The following C6orf118 variants were observed in gnomAD, a reference collection of about 807,000 sequenced individuals.
C6orf118 encodes chromosome 6 open reading frame 118.
Under a neutral mutation model 50.2 loss-of-function variants are expected in C6orf118, and 50 were observed. The observed-to-expected ratio is 1.00, with a 90% CI of 0.79 to 1.26. C6orf118 has a LOEUF of 1.26. Ranked by LOEUF, C6orf118 falls within the 50% of genes most tolerant of loss-of-function variation. The pLI, the probability that C6orf118 is intolerant of heterozygous loss-of-function variation, is 0.00. For missense variants in C6orf118, 641 were observed against 578.7 expected, an observed-to-expected ratio of 1.11 and a Z score of -1.10; for synonymous variants, 239 against 230.9, an observed-to-expected ratio of 1.03 and a Z score of -0.32.
chr6:165,282,234 A>C (rs1779752337), intron 7 of C6orf118, among the ~76,000 whole-genome samples: 1 of 152,186 alleles, frequency 6.6e-6, no homozygotes, highest in Admixed American at 6.5e-5. Context: ...ACTTTCTCCC[A>C]AATGCATTTA....
chr6:165,290,146 A>C (rs200533491), intron 6 of C6orf118, 79 bp from the exon 7 acceptor site: 1 of 661,966 alleles, frequency 1.5e-6, no homozygotes, highest in African/African-American at 2.4e-5. Context: ...ATTATTAACA[A>C]TATTATGTAT....
chr6:165,286,077 T>TA (rs1194781385), intron 7 of C6orf118, among the ~76,000 whole-genome samples: 6 of 150,978 alleles, frequency 4.0e-5, no homozygotes, highest in African/African-American at 1.5e-4. Flanking sequence ...ACAGACAAAA[T>TA]AAAAAATGAT....
chr6:165,302,644 A>T (rs1223937808), intron 1 of C6orf118, among the ~76,000 whole-genome samples: 1 of 152,182 alleles, frequency 6.6e-6, no homozygotes, highest in Non-Finnish European at 1.5e-5. Context: ...TATAATTCTT[A>T]ATGATGATGC....
chr6:165,288,311 GA>G (rs1378695242), intron 7 of C6orf118, among the ~76,000 whole-genome samples: 1 of 152,154 alleles, frequency 6.6e-6, no homozygotes, highest in Non-Finnish European at 1.5e-5. Flanking sequence ...GGAGAAATAG[GA>G]ATGCTTTTAC....
intron 7 of C6orf118, among the ~76,000 whole-genome samples, chr6:165,289,318 G>C (rs1780026546): frequency 6.6e-6 from 1 of 152,064 alleles, no homozygotes; most frequent in Admixed American, 6.6e-5. Context: ...AATAAAAGTA[G>C]TGCTGGAAAA....
Position 165,279,957 on chromosome 6 carries a change from T to G in C6orf118, c.*100A>C. 2.5e-6 allele frequency: 3 copies of G among 1,215,324 alleles called. No individual in the cohort carries two copies. Among genetic ancestry groups the G allele is most frequent in the Non-Finnish European group, 3.4e-6 (3 of 869,828 alleles). 75.3% of individuals were successfully genotyped at this position (1,215,324 alleles called of 1,614,324 possible). Reference sequence around the variant, plus strand: ...TTACTAGAGATTAAAGCTGATGAAATGAAATGTATCTTTATGAATGTATAT... The same window carrying G: ...TTACTAGAGATTAAAGCTGATGAAAGGAAATGTATCTTTATGAATGTATAT... On this transcript the variant is annotated 3_prime_UTR_variant, in exon 9 of 9. Transcript: ENST00000230301.
chr6:165,306,730 G>C (rs963378345), intron 1 of C6orf118, among the ~76,000 whole-genome samples: 2 of 152,014 alleles, frequency 1.3e-5, no homozygotes, highest in Non-Finnish European at 2.9e-5. Flanking sequence ...TTCCAAGAAG[G>C]ATTTGAAGCC....
intron 7 of C6orf118, among the ~76,000 whole-genome samples, chr6:165,288,224 CA>C (rs1779980072): frequency 6.6e-6 from 1 of 152,176 alleles, no homozygotes; most frequent in Admixed American, 6.5e-5. Context: ...ATCAAAACCA[CA>C]ATGAGATACC....
intron 7 of C6orf118, chr6:165,281,913 T>C (rs1025062390): frequency 1.3e-5 from 4 of 299,870 alleles, no homozygotes; most frequent in Non-Finnish European, 2.5e-5. Flanking sequence ...GAGGAGGAAA[T>C]TGATGTTTCA....
intron 1 of C6orf118, among the ~76,000 whole-genome samples, chr6:165,308,188 G>C (rs1478086794): frequency 1.3e-5 from 2 of 152,312 alleles, no homozygotes; most frequent in Admixed American, 1.3e-4. Flanking sequence ...CCACCCTGAC[G>C]CCAGAGGTCA....
chr6:165,297,295 C>T (rs181969101), intron 5 of C6orf118, among the ~76,000 whole-genome samples: 52 of 151,784 alleles, frequency 3.4e-4, no homozygotes, highest in Admixed American at 1.2e-3. Flanking sequence ...GTGGTACACA[C>T]CTGTAATCCC....
chr6:165,307,591 T>C (rs1437800170), intron 1 of C6orf118, among the ~76,000 whole-genome samples: 1 of 151,904 alleles, frequency 6.6e-6, no homozygotes, highest in African/African-American at 2.4e-5. Context: ...CACTGTCCCA[T>C]GTTGTCAGAT....
At chr6:165,293,324 T>G (rs561142729) in intron 6 of C6orf118, 89 bp downstream of exon 6, 124 of 1,189,638 alleles carry the variant, frequency 1.0e-4, no homozygotes, top group Non-Finnish European at 1.5e-4. Flanking sequence ...ATCTTCCAAG[T>G]TGACAGACAG....
chr6:165,289,820 T>C (rs1038184835), intron 7 of C6orf118, 66 bp downstream of exon 7: 21 of 1,140,166 alleles, frequency 1.8e-5, no homozygotes, highest in Middle Eastern at 2.7e-4. Flanking sequence ...TCACATTACT[T>C]CATGTGTTTG....
intron 5 of C6orf118, among the ~76,000 whole-genome samples, chr6:165,296,266 T>TTTTTTTTTTTTTTTTTTTTTTTTTC (rs1780303241): frequency 6.8e-6 from 1 of 147,030 alleles, no homozygotes; most frequent in Admixed American, 6.8e-5. Flanking sequence ...TTTTTTTTTT[T>TTTTTTTTTTTTTTTTTTTTTTTTTC]TTTTTTTTTT....
intron 6 of C6orf118, among the ~76,000 whole-genome samples, chr6:165,291,231 C>T (rs544112285): frequency 1.3e-5 from 2 of 152,126 alleles, no homozygotes; most frequent in South Asian, 2.1e-4. Flanking sequence ...CAACAAAAAA[C>T]GATTTAGGAA....
intron 7 of C6orf118, among the ~76,000 whole-genome samples, chr6:165,285,542 T>C (rs1015732380): frequency 2.0e-5 from 3 of 152,006 alleles, no homozygotes; most frequent in African/African-American, 7.2e-5. Context: ...ATCAATCACA[T>C]AATTGGAAGT....
At position 165,289,899 on chromosome 6, in the gene C6orf118, A is replaced by T. The variant is rs202221904; in HGVS notation, c.1289T>A (p.Ile430Asn). ...TAAGTTGCGTACCTCTATGCTTTTA[A>T]TCCTATTCTCAGTGATATCTGAAAT... ...TGISDITENR[I>N]KSIEHEAIQL... The change falls in exon 7 of 9, where the codon ATT (isoleucine) becomes AAT (asparagine). Residue 430 changes from isoleucine to asparagine, a missense_variant. By Grantham distance (149) the Ile-to-Asn change is moderately radical. Coordinates refer to ENST00000230301, the MANE Select transcript of C6orf118 (RefSeq NM_144980.4). The T allele has an allele frequency of 2.7e-5, 43 of 1,599,770 alleles. No individual in the cohort carries two copies. In the Middle Eastern group the frequency reaches 6.7e-4, roughly 25 times the overall value.
chr6:165,300,089 T>C (rs1780461998), intron 3 of C6orf118, among the ~76,000 whole-genome samples: 1 of 152,184 alleles, frequency 6.6e-6, no homozygotes, highest in Admixed American at 6.5e-5. Flanking sequence ...ATAATTAAGT[T>C]ATATAAAATT....
Sources: gnomAD v4.1 joint callset for allele counts (sites outside exome capture counted in the v4.1 genomes callset) on GRCh38, gnomAD v4.1.1 for gene constraint, MANE v1.5 for transcripts, NCBI Gene and HGNC (gene_info 2026-07-23, HGNC 2026-07-21) for gene names.